RBFOX1: variants seen among roughly 807,000 people sequenced by gnomAD.
The protein encoded by RBFOX1 is RNA binding fox-1 homolog 1, also known as RNA binding protein fox-1 homolog 1.
In RBFOX1, 8 loss-of-function variants were observed where a neutral mutation model predicts 57.7. That is an observed-to-expected ratio of 0.14 (90% CI 0.08 to 0.25). RBFOX1 has a LOEUF of 0.25. RBFOX1 is among the 10% of genes least tolerant of loss of function. The probability of loss-of-function intolerance (pLI) is 1.00; values close to 1 mark genes in which losing one functional copy is unlikely to be tolerated. For synonymous variants in RBFOX1, 326 were observed against 222.4 expected, an observed-to-expected ratio of 1.47 and a Z score of -4.15; for missense variants, 611 against 548.5, an observed-to-expected ratio of 1.11 and a Z score of -1.14.
chr16:7,320,485 G>A (rs539844925), intron 4 of RBFOX1, among the ~76,000 whole-genome samples: 2 of 152,262 alleles, frequency 1.3e-5, no homozygotes, highest in East Asian at 3.9e-4. Context: ...TCTTTGATGG[G>A]CATTTGTGTT....
intron 3 of RBFOX1, among the ~76,000 whole-genome samples, chr16:6,815,170 G>C (rs1052250720): frequency 1.3e-5 from 2 of 152,176 alleles, no homozygotes; most frequent in Non-Finnish European, 2.9e-5. Context: ...GCGCTGGTGA[G>C]AGTGCTGTTG....
At chr16:6,630,104 G>C (rs745631088) in intron 2 of RBFOX1, among the ~76,000 whole-genome samples, 5 of 151,928 alleles carry the variant, frequency 3.3e-5, no homozygotes, top group Non-Finnish European at 7.4e-5. Flanking sequence ...CTTGGTCTAA[G>C]CTTCTGTGCT....
chr16:6,323,143 CAG>C (rs903674993), intron 2 of RBFOX1, among the ~76,000 whole-genome samples: 2 of 152,080 alleles, frequency 1.3e-5, no homozygotes, highest in South Asian at 2.1e-4. Context: ...AGAGAAAAGA[CAG>C]AGAGCTAAAA....
chr16:5,544,972 TTTTTTTTTTTTTTTTTTTTTTTG>T (rs1471703097), intron 2 of RBFOX1, among the ~76,000 whole-genome samples: 2 of 16,176 alleles, frequency 1.2e-4, no homozygotes, highest in African/African-American at 2.5e-4. Context: ...TTTTTTTTTT[TTTTTTTTTTTTTTTTTTTTTTTG>T]ATACGGAGTC....
intron 3 of RBFOX1, among the ~76,000 whole-genome samples, chr16:6,663,278 C>G (rs1348098135): frequency 1.3e-5 from 2 of 152,148 alleles, no homozygotes; most frequent in Non-Finnish European, 2.9e-5. Flanking sequence ...GACGGCTCAG[C>G]TTAAGTATTT....
chr16:5,596,171 G>T (rs9922289), intron 2 of RBFOX1, among the ~76,000 whole-genome samples: 26,817 of 152,008 alleles, frequency 0.18, 2,625 homozygotes, highest in Non-Finnish European at 0.21. Context: ...GCTCTGCAGG[G>T]GCAGCTGGAT....
chr16:7,692,842 C>G (rs2077650302), intron 14 of RBFOX1, among the ~76,000 whole-genome samples: 1 of 151,978 alleles, frequency 6.6e-6, no homozygotes, highest in African/African-American at 2.4e-5. Flanking sequence ...TTATCCATAA[C>G]ACATCACCAT....
At chr16:5,674,009 G>C (rs2050093223) in intron 3 of RBFOX1, among the ~76,000 whole-genome samples, 1 of 152,202 alleles carries the variant, frequency 6.6e-6, no homozygotes, top group African/African-American at 2.4e-5. Flanking sequence ...GTGTGACAGG[G>C]ACTATGCCAG....
chr16:6,533,159 C>G (rs1291765150), intron 2 of RBFOX1, among the ~76,000 whole-genome samples: 1 of 152,204 alleles, frequency 6.6e-6, no homozygotes, highest in Non-Finnish European at 1.5e-5. Context: ...ACAGGAAAGA[C>G]AAACCATGGA....
intron 5 of RBFOX1, among the ~76,000 whole-genome samples, chr16:7,523,019 C>T (rs901100369): frequency 6.6e-6 from 1 of 152,132 alleles, no homozygotes; most frequent in Non-Finnish European, 1.5e-5. Flanking sequence ...CCCAGGGAAC[C>T]AGTGGGTCTG....
intron 3 of RBFOX1, among the ~76,000 whole-genome samples, chr16:6,919,178 T>C (rs548788814): frequency 2.4e-3 from 360 of 152,152 alleles, no homozygotes; most frequent in African/African-American, 8.0e-3. Flanking sequence ...AGATGGGGTT[T>C]CACCATGTTG....
At chr16:7,198,795 T>A (rs1262770322) in intron 4 of RBFOX1, among the ~76,000 whole-genome samples, 2 of 152,230 alleles carry the variant, frequency 1.3e-5, no homozygotes, top group African/African-American at 2.4e-5. Context: ...CTCCCAACAC[T>A]GTTGCAATGG....
At chr16:5,778,238 A>G (rs2054208092) in intron 3 of RBFOX1, among the ~76,000 whole-genome samples, 1 of 152,190 alleles carries the variant, frequency 6.6e-6, no homozygotes, top group East Asian at 1.9e-4. Context: ...ATGTGTGGAG[A>G]CCTAACATTT....
intron 3 of RBFOX1, among the ~76,000 whole-genome samples, chr16:5,828,235 C>T (rs140332568): frequency 1.3e-5 from 2 of 152,232 alleles, no homozygotes; most frequent in South Asian, 2.1e-4. Context: ...ATTCAACCAC[C>T]CACAAATCTA....
chr16:5,559,353 C>T (rs1415719828), intron 2 of RBFOX1, among the ~76,000 whole-genome samples: 1 of 152,042 alleles, frequency 6.6e-6, no homozygotes, highest in African/African-American at 2.4e-5. Flanking sequence ...GATGTGGAAG[C>T]CATTTGTTTT....
At chr16:6,300,550 T>C (rs1483127605) in intron 1 of RBFOX1, among the ~76,000 whole-genome samples, 1 of 152,158 alleles carries the variant, frequency 6.6e-6, no homozygotes, top group Non-Finnish European at 1.5e-5. Flanking sequence ...TTTAGCGGAG[T>C]ACTCATTAAA....
chr16:6,910,745 G>A (rs191784224), intron 3 of RBFOX1, among the ~76,000 whole-genome samples: 2 of 152,194 alleles, frequency 1.3e-5, no homozygotes, highest in African/African-American at 4.8e-5. Context: ...CGGAGAGGAG[G>A]CCTGGGAAGA....
At chr16:6,725,627 G>C (rs749605465) in intron 3 of RBFOX1, among the ~76,000 whole-genome samples, 2 of 152,128 alleles carry the variant, frequency 1.3e-5, no homozygotes, top group Non-Finnish European at 2.9e-5. Flanking sequence ...TATGCCTATG[G>C]AGTAGTCATT....
chr16:7,648,799 G>C (rs761459531), intron 11 of RBFOX1, among the ~76,000 whole-genome samples: 3 of 152,132 alleles, frequency 2.0e-5, no homozygotes, highest in Non-Finnish European at 4.4e-5. Context: ...AATCCTGATA[G>C]TGTGCTGCCA....
Sources: allele counts gnomAD v4.1 joint callset (sites outside exome capture counted in the v4.1 genomes callset), GRCh38; gene constraint gnomAD v4.1.1; transcripts MANE v1.5; gene names NCBI Gene and HGNC (gene_info 2026-07-23, HGNC 2026-07-21).